TYW1: variants seen among roughly 807,000 people sequenced by gnomAD.
TYW1 encodes the protein S-adenosyl-L-methionine-dependent tRNA 4-demethylwyosine synthase TYW1.
TYW1 carries 46 observed loss-of-function variants against 96.2 expected under a neutral mutation model. The observed-to-expected ratio is 0.48, with a 90% CI of 0.38 to 0.61. The LOEUF is 0.61. TYW1 is among the 20% of genes least tolerant of loss of function. The pLI is 0.00. For synonymous variants in TYW1, 274 were observed against 323.0 expected, an observed-to-expected ratio of 0.85 and a Z score of 1.63; for missense variants, 684 against 909.6, an observed-to-expected ratio of 0.75 and a Z score of 3.19.
At chr7:67,149,958 A>T (rs1044372861) in intron 13 of TYW1, among the ~76,000 whole-genome samples, 2 of 151,962 alleles carry the variant, frequency 1.3e-5, no homozygotes, top group Non-Finnish European at 2.9e-5. Flanking sequence ...TTAAAGATTT[A>T]TGTCACCAGA....
At chr7:67,006,798 AG>A (rs1432917477) in intron 3 of TYW1, among the ~76,000 whole-genome samples, 1 of 151,818 alleles carries the variant, frequency 6.6e-6, no homozygotes, top group Non-Finnish European at 1.5e-5. Context: ...TAAAGAAAAG[AG>A]GTTTATTTGG....
rs974891631 is a variant in TYW1, at chr7:67,168,707, C to CT, written c.1699-14410dup. On this transcript the variant is annotated intron_variant, in intron 13 of 15. Transcript: ENST00000359626. ...AGTATGCATATTTTTATTTCTTATTCTTTTTTTTTCTTTTTTTCTTTTAAG... is the reference window on the plus strand; with the variant it reads ...AGTATGCATATTTTTATTTCTTATTCTTTTTTTTTTCTTTTTTTCTTTTAAG... 1.7e-4 allele frequency among the ~76,000 whole-genome samples: 26 copies of CT among 150,538 alleles called. 1 individual carries two copies. The South Asian group carries it at 5.1e-3, about 29-fold the overall frequency.
At chr7:67,118,273 G>T (rs1160172345) in intron 13 of TYW1, among the ~76,000 whole-genome samples, 1 of 152,158 alleles carries the variant, frequency 6.6e-6, no homozygotes, top group Non-Finnish European at 1.5e-5. Flanking sequence ...GCTGCAGTGA[G>T]CCAAGATCAT....
chr7:67,154,748 A>G (rs1204005827), intron 13 of TYW1, among the ~76,000 whole-genome samples: 1 of 152,048 alleles, frequency 6.6e-6, no homozygotes, highest in East Asian at 1.9e-4. Context: ...GAAATTTTAA[A>G]CTATTATTTT....
intron 14 of TYW1, among the ~76,000 whole-genome samples, chr7:67,194,773 T>C (rs1410331759): frequency 3.3e-5 from 5 of 149,498 alleles, no homozygotes; most frequent in Admixed American, 6.7e-5. Flanking sequence ...TTTTTATGAG[T>C]GTCCACTATG....
intron 13 of TYW1, among the ~76,000 whole-genome samples, chr7:67,171,075 C>T (rs140947015): frequency 0.034 from 5,171 of 152,084 alleles, 264 homozygotes; most frequent in African/African-American, 0.12. Flanking sequence ...AATCTCTTGA[C>T]TTGTAGGTCT....
At chr7:67,094,985 T>C (rs1796847779) in intron 11 of TYW1, among the ~76,000 whole-genome samples, 1 of 150,896 alleles carries the variant, frequency 6.6e-6, no homozygotes, top group Admixed American at 6.6e-5. Context: ...TAAGTGAAAA[T>C]GCTGTATAAA....
intron 15 of TYW1, among the ~76,000 whole-genome samples, chr7:67,217,191 A>AT (rs1254607919): frequency 6.6e-6 from 1 of 151,580 alleles, no homozygotes; most frequent in Non-Finnish European, 1.5e-5. Flanking sequence ...ATCATTTGCA[A>AT]TTTTTTTCCC....
chr7:67,007,947 T>C (rs1793660826), intron 3 of TYW1, among the ~76,000 whole-genome samples: 1 of 152,130 alleles, frequency 6.6e-6, no homozygotes, highest in African/African-American at 2.4e-5. Flanking sequence ...CCTGTCCTTT[T>C]TCTATACCAG....
At chr7:67,083,582 T>C (rs760929274) in intron 11 of TYW1, 43 bp downstream of exon 11, 120 of 1,598,246 alleles carry the variant, frequency 7.5e-5, no homozygotes, top group Non-Finnish European at 9.8e-5. Flanking sequence ...TACCTGTTAA[T>C]AGTCTGAATC....
intron 10 of TYW1, among the ~76,000 whole-genome samples, chr7:67,069,932 G>A (rs1308101514): frequency 6.6e-6 from 1 of 152,152 alleles, no homozygotes; most frequent in African/African-American, 2.4e-5. Flanking sequence ...TGTTAGCAGT[G>A]AACTCCCTCA....
intron 13 of TYW1, among the ~76,000 whole-genome samples, chr7:67,155,601 G>A (rs1208663187): frequency 6.6e-6 from 1 of 151,540 alleles, no homozygotes; most frequent in Non-Finnish European, 1.5e-5. Context: ...CACCCAGGCT[G>A]GAGTGCAGTG....
In TYW1 at chr7:67,024,935, G is replaced by A; in HGVS notation, c.897G>A (p.Glu299=). The change falls in exon 7 of 16, where the codon GAG becomes GAA. Residue 299 remains glutamate (E), a synonymous_variant. Transcript: ENST00000359626. ...CCTTTGAGAGCTCCAGTGAAGAAGA[G>A]TTTGGTGGTGAGGACCATCAGAGCC... ...EEPFESSSEE[E]FGGEDHQSLN... 1.9e-6 allele frequency: 3 copies of A among 1,613,940 alleles called. No homozygotes were observed. Among genetic ancestry groups the A allele is most frequent in the Non-Finnish European group, 2.5e-6 (3 of 1,179,848 alleles).
chr7:67,114,973 T>C (rs1269779436), intron 12 of TYW1, among the ~76,000 whole-genome samples: 1 of 152,138 alleles, frequency 6.6e-6, no homozygotes, highest in East Asian at 1.9e-4. Flanking sequence ...GAATTCCTTA[T>C]TGGACTTCCT....
At chr7:67,213,738 TCCAATTGTTAAAGTA>T (rs917141246) in intron 15 of TYW1, among the ~76,000 whole-genome samples, 29 of 152,252 alleles carry the variant, frequency 1.9e-4, no homozygotes, top group South Asian at 4.1e-4. Flanking sequence ...CATGTGGACA[TCCAATTGTTAAAGTA>T]CCATTTGTTG....
chr7:67,153,352 A>G (rs1798861066), intron 13 of TYW1, among the ~76,000 whole-genome samples: 1 of 152,182 alleles, frequency 6.6e-6, no homozygotes. Context: ...GCTGCTTGGG[A>G]GACCGAGACA....
intron 11 of TYW1, chr7:67,089,151 G>GGAA (rs1796637598): frequency 2.2e-6 from 1 of 450,126 alleles, no homozygotes; most frequent in African/African-American, 2.0e-5. Context: ...GGGGAGGAGG[G>GGAA]GAAGTGAGGC....
intron 15 of TYW1, among the ~76,000 whole-genome samples, chr7:67,215,089 T>C (rs1156532457): frequency 1.3e-5 from 2 of 150,432 alleles, no homozygotes; most frequent in Admixed American, 6.6e-5. Flanking sequence ...ATTCCTTTCT[T>C]AAATGTTTGG....
intron 10 of TYW1, among the ~76,000 whole-genome samples, chr7:67,081,221 T>A (rs1487805955): frequency 1.6e-5 from 1 of 61,198 alleles, no homozygotes; most frequent in Admixed American, 1.4e-4. Flanking sequence ...CTTGGTGGTC[T>A]TTTTTTTTTT....
Sources: gnomAD v4.1 joint callset for allele counts (sites outside exome capture counted in the v4.1 genomes callset) on GRCh38, gnomAD v4.1.1 for gene constraint, MANE v1.5 for transcripts, NCBI Gene and HGNC (gene_info 2026-07-23, HGNC 2026-07-21) for gene names.